Variants in APBA1 observed in about 807,000 individuals in gnomAD.
APBA1 encodes the protein amyloid beta precursor protein binding family A member 1.
In APBA1, 55 loss-of-function variants were observed where a neutral mutation model predicts 86.6. That is an observed-to-expected ratio of 0.64 (90% confidence interval 0.51 to 0.80). The LOEUF (loss-of-function observed/expected upper bound fraction) is 0.80, where lower values mean the gene tolerates loss of function less well. Among genes scored for constraint, APBA1 ranks in the 30% least tolerant of loss-of-function variants. APBA1 has a pLI of 0.00. For synonymous variants in APBA1, 511 were observed against 493.9 expected (o/e 1.03, Z -0.46); for missense variants, 1,090 against 1,183.0 (o/e 0.92, Z 1.15).
chr9:69,457,196 CAGA>C, intron 6 of APBA1, 57 bp from the exon 7 acceptor site: 7 of 1,348,482 alleles, frequency 5.2e-6, no homozygotes, highest in Non-Finnish European at 5.3e-6. Context: ...GACCCAGATG[CAGA>C]AGGAGTAAGG....
At chr9:69,517,402 G>A in intron 1 of APBA1, 123 bp from the exon 2 acceptor site, 1 of 1,022,934 alleles carries the variant, frequency 9.8e-7, no homozygotes, top group Non-Finnish European at 1.3e-6. Flanking sequence ...ATTAAAAAAA[G>A]ACTGCAAATT....
intron 10 of APBA1, among the ~76,000 whole-genome samples, chr9:69,448,559 G>C (rs1358736076): frequency 6.6e-6 from 1 of 152,100 alleles, no homozygotes; most frequent in South Asian, 2.1e-4. Flanking sequence ...CCATCCATGT[G>C]TCCTATACAC....
intron 2 of APBA1, among the ~76,000 whole-genome samples, chr9:69,499,414 G>A (rs1029767368): frequency 2.0e-5 from 3 of 151,968 alleles, no homozygotes; most frequent in Non-Finnish European, 2.9e-5. Flanking sequence ...CTTGCTAACC[G>A]GATCCTGGAA....
chr9:69,635,620 C>T (rs1268669785), intron 1 of APBA1, among the ~76,000 whole-genome samples: 3 of 151,814 alleles, frequency 2.0e-5, no homozygotes, highest in South Asian at 4.1e-4. Context: ...CCTATAAAAA[C>T]ACACACAGAC....
chr9:69,457,193 A>T (rs900416438), intron 6 of APBA1, 54 bp from the exon 7 acceptor site: 4 of 1,371,264 alleles, frequency 2.9e-6, no homozygotes, highest in Non-Finnish European at 4.2e-6. Flanking sequence ...CCTGACCCAG[A>T]TGCAGAAGGA....
chr9:69,634,956 T>C (rs1823125228), intron 1 of APBA1, among the ~76,000 whole-genome samples: 1 of 152,124 alleles, frequency 6.6e-6, no homozygotes, highest in South Asian at 2.1e-4. Context: ...ACCAGGCCTA[T>C]CCTATAAGAA....
At chr9:69,666,718 G>C (rs760157759) in intron 1 of APBA1, among the ~76,000 whole-genome samples, 2 of 151,988 alleles carry the variant, frequency 1.3e-5, no homozygotes, top group Non-Finnish European at 2.9e-5. Flanking sequence ...GGATCTAAAG[G>C]GTTCACAATC....
chr9:69,492,178 T>C (rs1835724447), intron 2 of APBA1, among the ~76,000 whole-genome samples: 1 of 152,134 alleles, frequency 6.6e-6, no homozygotes, highest in Admixed American at 6.5e-5. Flanking sequence ...AGAGTCTGGC[T>C]ACCACTGATG....
chr9:69,637,154 G>A (rs1823195876), intron 1 of APBA1, among the ~76,000 whole-genome samples: 1 of 151,996 alleles, frequency 6.6e-6, no homozygotes, highest in Non-Finnish European at 1.5e-5. Flanking sequence ...CTTTTTTCTG[G>A]GAGATAAAAA....
At chr9:69,489,524 C>A (rs1220866606) in intron 2 of APBA1, among the ~76,000 whole-genome samples, 1 of 150,368 alleles carries the variant, frequency 6.7e-6, no homozygotes, top group Non-Finnish European at 1.5e-5. Context: ...CATAAAAACC[C>A]TAGAAGAAGG....
At chr9:69,663,445 A>G (rs776277451) in intron 1 of APBA1, among the ~76,000 whole-genome samples, 43 of 152,244 alleles carry the variant, frequency 2.8e-4, no homozygotes, top group Non-Finnish European at 5.4e-4. Flanking sequence ...TATTCTTGTT[A>G]AGTGGAATTT....
chr9:69,529,912 G>A (rs1318446537), intron 1 of APBA1, among the ~76,000 whole-genome samples: 1 of 152,008 alleles, frequency 6.6e-6, no homozygotes, highest in Non-Finnish European at 1.5e-5. Context: ...CTCAAAAGAA[G>A]TACAAGTGGC....
chr9:69,533,459 C>T (rs1226564937), intron 1 of APBA1, among the ~76,000 whole-genome samples: 1 of 152,124 alleles, frequency 6.6e-6, no homozygotes, highest in African/African-American at 2.4e-5. Flanking sequence ...AATTTACCTT[C>T]CTGTCTTGCT....
chr9:69,509,122 A>T (rs1241616273), intron 2 of APBA1, among the ~76,000 whole-genome samples: 2 of 152,004 alleles, frequency 1.3e-5, no homozygotes, highest in African/African-American at 4.8e-5. Context: ...AAAATTAATG[A>T]ATCCAGGAGC....
intron 1 of APBA1, among the ~76,000 whole-genome samples, chr9:69,660,133 A>C (rs1458515414): frequency 6.6e-6 from 1 of 152,248 alleles, no homozygotes; most frequent in African/African-American, 2.4e-5. Context: ...CATTTTGAGA[A>C]GAAATGTCAA....
At chr9:69,470,493 G>T (rs1835350022) in intron 4 of APBA1, among the ~76,000 whole-genome samples, 1 of 152,114 alleles carries the variant, frequency 6.6e-6, no homozygotes, top group Non-Finnish European at 1.5e-5. Context: ...TTCCCAGAAT[G>T]CTCTCACAGA....
chr9:69,439,815 G>A (rs536033588), intron 11 of APBA1, among the ~76,000 whole-genome samples: 157 of 152,222 alleles, frequency 1.0e-3, no homozygotes, highest in Middle Eastern at 3.4e-3. Flanking sequence ...GCTTTGTTCC[G>A]TTGCTGGTAA....
intron 2 of APBA1, chr9:69,494,366 C>A (rs1245623027): frequency 6.6e-6 from 1 of 152,112 alleles, no homozygotes; most frequent in Non-Finnish European, 1.5e-5. Flanking sequence ...TCATTCGAAG[C>A]CCAGAGCCTT....
At chr9:69,449,341 T>TGTC (rs1179084062) in intron 10 of APBA1, among the ~76,000 whole-genome samples, 5 of 152,166 alleles carry the variant, frequency 3.3e-5, no homozygotes, top group Non-Finnish European at 5.9e-5. Flanking sequence ...CATGCTGCTA[T>TGTC]CAGAAAGTAG....
Sources: gnomAD v4.1 joint callset for allele counts (sites outside exome capture counted in the v4.1 genomes callset) on GRCh38, gnomAD v4.1.1 for gene constraint, MANE v1.5 for transcripts, NCBI Gene and HGNC (gene_info 2026-07-23, HGNC 2026-07-21) for gene names.